The following ZNF385B variants were observed in gnomAD, a reference collection of about 807,000 sequenced individuals.
The protein encoded by ZNF385B is zinc finger protein 385B.
ZNF385B carries 23 observed loss-of-function variants against 39.2 expected under a neutral mutation model. The ratio of observed to expected loss-of-function variants is 0.59; its 90% CI spans 0.42 to 0.83. ZNF385B has a LOEUF of 0.83. ZNF385B is among the 40% of genes least tolerant of loss of function. The pLI, the probability that ZNF385B is intolerant of heterozygous loss-of-function variation, is 0.00. For synonymous variants in ZNF385B, 205 were observed against 222.6 expected (o/e 0.92, Z 0.70); for missense variants, 552 against 598.9 (o/e 0.92, Z 0.82).
intron 5 of ZNF385B, among the ~76,000 whole-genome samples, chr2:179,502,374 C>G (rs1354648013): frequency 6.6e-6 from 1 of 152,156 alleles, no homozygotes; most frequent in Non-Finnish European, 1.5e-5. Context: ...TCTTTGTCCC[C>G]ACACAAATCT....
intron 1 of ZNF385B, among the ~76,000 whole-genome samples, chr2:179,803,437 A>G (rs1256900324): frequency 6.6e-6 from 1 of 152,196 alleles, no homozygotes; most frequent in Non-Finnish European, 1.5e-5. Flanking sequence ...TTGAATAAAA[A>G]TGTTTTTAAA....
At chr2:179,658,872 G>A (rs749348728) in intron 3 of ZNF385B, among the ~76,000 whole-genome samples, 4 of 152,024 alleles carry the variant, frequency 2.6e-5, no homozygotes, top group Non-Finnish European at 4.4e-5. Context: ...TCGCCTCCCC[G>A]CTTCAAGTGA....
At chr2:179,804,528 T>C (rs984679374) in intron 1 of ZNF385B, among the ~76,000 whole-genome samples, 1 of 152,214 alleles carries the variant, frequency 6.6e-6, no homozygotes, top group Non-Finnish European at 1.5e-5. Flanking sequence ...GCGTATTACC[T>C]GTGTTCAAAT....
chr2:179,786,043 C>A, intron 1 of ZNF385B, among the ~76,000 whole-genome samples: 1 of 152,072 alleles, frequency 6.6e-6, no homozygotes, highest in Non-Finnish European at 1.5e-5. Context: ...CAAGCACCAC[C>A]CTGATCAGTC....
chr2:179,555,130 AT>A lies in ZNF385B; in HGVS notation c.299-10162del, dbSNP rs2105938359. On this transcript the variant is annotated intron_variant, in intron 3 of 9. Transcript: ENST00000410066. Reference sequence around the variant, plus strand: ...TTTTTGTATGTTTGCATGATGAAACATTCATGCAATGACATACAGCAATGAG... The same window carrying A: ...TTTTTGTATGTTTGCATGATGAAACATCATGCAATGACATACAGCAATGAG... Among the ~76,000 whole-genome samples, 3 of 149,912 alleles carry A rather than the reference AT, an allele frequency of 2.0e-5. 1 individual carries two copies. The South Asian group carries it at 6.4e-4, about 32-fold the overall frequency.
intron 1 of ZNF385B, among the ~76,000 whole-genome samples, chr2:179,808,824 A>G (rs373974917): frequency 6.6e-6 from 1 of 152,234 alleles, no homozygotes; most frequent in East Asian, 1.9e-4. Flanking sequence ...CAGCTTTGCA[A>G]AAAAACAACA....
intron 3 of ZNF385B, among the ~76,000 whole-genome samples, chr2:179,769,261 G>C (rs946135076): frequency 6.6e-6 from 1 of 152,128 alleles, no homozygotes; most frequent in Non-Finnish European, 1.5e-5. Flanking sequence ...GAAGTCTCTG[G>C]ACCCATATAC....
intron 3 of ZNF385B, among the ~76,000 whole-genome samples, chr2:179,643,075 GAC>G (rs1336573231): frequency 4.0e-5 from 6 of 151,434 alleles, no homozygotes; most frequent in Non-Finnish European, 7.4e-5. Context: ...ATATTTGACA[GAC>G]ATTTTCTCAA....
intron 7 of ZNF385B, 51 bp from the exon 8 acceptor site, chr2:179,445,779 G>T (rs774875406): frequency 1.4e-6 from 2 of 1,470,516 alleles, no homozygotes; most frequent in Non-Finnish European, 1.8e-6. Flanking sequence ...ATTATATAAA[G>T]CTCTTTGTTT....
At chr2:179,658,787 A>T (rs1028528806) in intron 3 of ZNF385B, among the ~76,000 whole-genome samples, 9 of 151,256 alleles carry the variant, frequency 6.0e-5, no homozygotes, top group African/African-American at 1.7e-4. Context: ...TTACATTCTT[A>T]TTTTTTTTTG....
intron 3 of ZNF385B, among the ~76,000 whole-genome samples, chr2:179,635,473 G>A (rs982544778): frequency 2.0e-5 from 3 of 151,852 alleles, no homozygotes; most frequent in Admixed American, 6.6e-5. Context: ...TATGGCACAC[G>A]TATACCTATG....
chr2:179,565,337 G>A (rs1019270931), intron 3 of ZNF385B, among the ~76,000 whole-genome samples: 4 of 152,102 alleles, frequency 2.6e-5, no homozygotes, highest in African/African-American at 4.8e-5. Flanking sequence ...TATCTCATGA[G>A]GAGCTCTGAA....
chr2:179,607,981 C>A (rs1688965122), intron 3 of ZNF385B, among the ~76,000 whole-genome samples: 1 of 144,106 alleles, frequency 6.9e-6, no homozygotes, highest in African/African-American at 2.6e-5. Context: ...ATGGCGCAAT[C>A]CTGGCTCACT....
intron 3 of ZNF385B, among the ~76,000 whole-genome samples, chr2:179,554,966 T>C (rs1408524217): frequency 6.7e-6 from 1 of 149,294 alleles, no homozygotes; most frequent in Non-Finnish European, 1.5e-5. Flanking sequence ...AATATATAAA[T>C]ACCCTATGAC....
intron 3 of ZNF385B, among the ~76,000 whole-genome samples, chr2:179,592,901 A>G (rs961882940): frequency 6.6e-6 from 1 of 152,158 alleles, no homozygotes; most frequent in South Asian, 2.1e-4. Flanking sequence ...TATTAAGTAC[A>G]TTATAAGGGA....
At chr2:179,553,486 T>G (rs548641575) in intron 3 of ZNF385B, among the ~76,000 whole-genome samples, 3 of 149,202 alleles carry the variant, frequency 2.0e-5, no homozygotes, top group African/African-American at 7.6e-5. Flanking sequence ...GGTAACGTGC[T>G]AAGTGATTTA....
chr2:179,601,916 A>G (rs890808631), intron 3 of ZNF385B, among the ~76,000 whole-genome samples: 2 of 152,288 alleles, frequency 1.3e-5, no homozygotes, highest in Middle Eastern at 3.4e-3. Context: ...GCTTTTCACT[A>G]TGACAAGCTC....
At chr2:179,821,174 G>A (rs1235392734) in intron 1 of ZNF385B, among the ~76,000 whole-genome samples, 1 of 152,082 alleles carries the variant, frequency 6.6e-6, no homozygotes. Context: ...AACTGTCAGG[G>A]CACAGGGAAT....
chr2:179,631,418 C>T lies in ZNF385B; in HGVS notation c.299-86449G>A, dbSNP rs374294055. On this transcript the variant is annotated intron_variant, in intron 3 of 9. Transcript: ENST00000410066. ...ACCCAGAATTTCATATCCAGCCAAA[C>T]TAAGCTTCATAAGTGAAGGAAAAAT... Among the ~76,000 whole-genome samples the T allele has an allele frequency of 1.2e-4, 18 of 152,262 alleles. No individual in the cohort carries two copies. The East Asian group carries it at 3.5e-3, about 29-fold the overall frequency.
Sources: allele counts gnomAD v4.1 joint callset (sites outside exome capture counted in the v4.1 genomes callset), GRCh38; gene constraint gnomAD v4.1.1; transcripts MANE v1.5; gene names NCBI Gene and HGNC (gene_info 2026-07-23, HGNC 2026-07-21).